The following GMDS variants were observed in gnomAD, a reference collection of about 807,000 sequenced individuals.
GMDS encodes GDP-mannose 4,6-dehydratase.
GMDS carries 20 observed loss-of-function variants against 49.9 expected under a neutral mutation model. That is an observed-to-expected ratio of 0.40 (90% confidence interval 0.28 to 0.58). The LOEUF (loss-of-function observed/expected upper bound fraction) is 0.58, where lower values mean the gene tolerates loss of function less well. GMDS is among the 20% of genes least tolerant of loss of function. The probability of loss-of-function intolerance (pLI) is 0.42; values close to 1 mark genes in which losing one functional copy is unlikely to be tolerated. For missense variants in GMDS, 362 were observed against 481.4 expected, an observed-to-expected ratio of 0.75 and a Z score of 2.32; for synonymous variants, 177 against 178.6, an observed-to-expected ratio of 0.99 and a Z score of 0.07.
rs1270407845 is a variant in GMDS, at chr6:1,669,916, T to A, written c.988-45376A>T. 6.9e-4 allele frequency among the ~76,000 whole-genome samples: 4 copies of A among 5,772 alleles called. 1 individual carries two copies. The South Asian group carries it at 0.025, about 36-fold the overall frequency. The allele number at this position is 5,772 out of a possible 152,430, so 3.8% of individuals were successfully genotyped here. A position where few individuals can be genotyped will look rare whatever the true frequency, so the allele number is the denominator to read the frequency against. Reference sequence around the variant, plus strand: ...TGAAAAAGCGAGACGAGACTCCATCTCAAAAAAAAAAAAAAAAAAAAAAAG... The same window carrying A: ...TGAAAAAGCGAGACGAGACTCCATCACAAAAAAAAAAAAAAAAAAAAAAAG... On this transcript the variant is annotated intron_variant, in intron 9 of 10. Transcript: ENST00000380815.
chr6:1,837,730 G>A (rs1178441930), intron 7 of GMDS, among the ~76,000 whole-genome samples: 3 of 152,160 alleles, frequency 2.0e-5, no homozygotes, highest in Admixed American at 1.3e-4. Context: ...ATTCTTTCAG[G>A]CTAATGAAGC....
At chr6:2,085,870 T>C (rs1772984659) in intron 4 of GMDS, among the ~76,000 whole-genome samples, 1 of 152,216 alleles carries the variant, frequency 6.6e-6, no homozygotes, top group Non-Finnish European at 1.5e-5. Flanking sequence ...ATACCTGAAC[T>C]CTCTAGTCAT....
intron 1 of GMDS, among the ~76,000 whole-genome samples, chr6:2,201,039 A>G (rs1401707660): frequency 7.0e-6 from 1 of 142,696 alleles, no homozygotes; most frequent in Non-Finnish European, 1.5e-5. Context: ...AAGGATGAAG[A>G]CAGAGCACCA....
chr6:2,143,650 A>G (rs1406392366), intron 1 of GMDS, among the ~76,000 whole-genome samples: 1 of 152,216 alleles, frequency 6.6e-6, no homozygotes, highest in Non-Finnish European at 1.5e-5. Flanking sequence ...CCTCCCAAGC[A>G]GTGGCCTCCC....
chr6:2,077,100 T>C (rs1401596360), intron 4 of GMDS, among the ~76,000 whole-genome samples: 4 of 152,164 alleles, frequency 2.6e-5, no homozygotes, highest in Admixed American at 6.5e-5. Context: ...TATTTCATTA[T>C]ACTTGTATAG....
intron 9 of GMDS, among the ~76,000 whole-genome samples, chr6:1,693,166 T>C (rs1237772893): frequency 1.3e-5 from 2 of 152,232 alleles, no homozygotes; most frequent in African/African-American, 4.8e-5. Flanking sequence ...TCTTTTCCAG[T>C]CTGGCTGGTG....
intron 7 of GMDS, among the ~76,000 whole-genome samples, chr6:1,800,241 G>A (rs1459995801): frequency 2.0e-5 from 3 of 152,184 alleles, no homozygotes; most frequent in East Asian, 3.8e-4. Flanking sequence ...AGAAGCTTCC[G>A]ATTCTGAGAA....
chr6:1,636,638 G>A (rs1048620065), intron 9 of GMDS, among the ~76,000 whole-genome samples: 17 of 152,206 alleles, frequency 1.1e-4, no homozygotes, highest in African/African-American at 4.1e-4. Flanking sequence ...ATGGAGGGAT[G>A]AGCCCCCAGG....
intron 5 of GMDS, 58 bp downstream of exon 5, chr6:1,960,716 C>A (rs1763891715): frequency 8.8e-7 from 1 of 1,131,022 alleles, no homozygotes; most frequent in East Asian, 2.4e-5. Flanking sequence ...AAAACACACA[C>A]CCCCCACACC....
At chr6:2,139,846 G>T (rs1332914626) in intron 1 of GMDS, among the ~76,000 whole-genome samples, 1 of 152,182 alleles carries the variant, frequency 6.6e-6, no homozygotes, top group East Asian at 1.9e-4. Flanking sequence ...ACTTTGCAAT[G>T]AAAAGAAGGA....
At chr6:2,187,783 A>G (rs1296310790) in intron 1 of GMDS, among the ~76,000 whole-genome samples, 2 of 152,234 alleles carry the variant, frequency 1.3e-5, no homozygotes, top group Non-Finnish European at 2.9e-5. Flanking sequence ...AAATGAAGAA[A>G]GGTTTTCACA....
intron 1 of GMDS, among the ~76,000 whole-genome samples, chr6:2,133,621 C>T (rs1442491512): frequency 3.3e-5 from 5 of 152,160 alleles, no homozygotes; most frequent in Non-Finnish European, 7.4e-5. Context: ...TGCTCTGCCA[C>T]TATAGAGTTC....
intron 1 of GMDS, among the ~76,000 whole-genome samples, chr6:2,199,604 G>A (rs1779416787): frequency 6.6e-6 from 1 of 152,092 alleles, no homozygotes; most frequent in South Asian, 2.1e-4. Context: ...TCCACTGCCT[G>A]AAACCCTTCC....
intron 4 of GMDS, among the ~76,000 whole-genome samples, chr6:2,095,773 A>G (rs888014747): frequency 1.3e-5 from 2 of 152,236 alleles, no homozygotes; most frequent in Non-Finnish European, 1.5e-5. Flanking sequence ...TCAATCTAGC[A>G]TATAAACCCT....
At chr6:2,085,335 T>C (rs1012552133) in intron 4 of GMDS, among the ~76,000 whole-genome samples, 6 of 152,160 alleles carry the variant, frequency 3.9e-5, no homozygotes, top group African/African-American at 1.2e-4. Flanking sequence ...CTTTTTAGTA[T>C]AGCAAATATG....
At chr6:2,017,371 CTA>C (rs1767970984) in intron 4 of GMDS, among the ~76,000 whole-genome samples, 1 of 151,932 alleles carries the variant, frequency 6.6e-6, no homozygotes, top group African/African-American at 2.4e-5. Context: ...TGCAGTGGCG[CTA>C]TCTCCGCTCA....
At chr6:1,932,379 TTAAC>T (rs1762327383) in intron 6 of GMDS, among the ~76,000 whole-genome samples, 1 of 152,104 alleles carries the variant, frequency 6.6e-6, no homozygotes, top group South Asian at 2.1e-4. Flanking sequence ...GCTATATAAA[TTAAC>T]TATTCTAAAA....
At chr6:1,816,537 G>T (rs1033811413) in intron 7 of GMDS, among the ~76,000 whole-genome samples, 5 of 152,262 alleles carry the variant, frequency 3.3e-5, no homozygotes, top group Non-Finnish European at 5.9e-5. Context: ...ATTATCCAAA[G>T]AGGTAATATG....
intron 7 of GMDS, among the ~76,000 whole-genome samples, chr6:1,869,785 G>A (rs11961900): frequency 0.021 from 3,272 of 152,304 alleles, 113 homozygotes; most frequent in African/African-American, 0.075. Context: ...TTAGTGGATG[G>A]CGTCCCCTTC....
Sources: allele counts gnomAD v4.1 joint callset (sites outside exome capture counted in the v4.1 genomes callset), GRCh38; gene constraint gnomAD v4.1.1; transcripts MANE v1.5; gene names NCBI Gene and HGNC (gene_info 2026-07-23, HGNC 2026-07-21).